Variants in CPNE4 observed in about 807,000 individuals in gnomAD.
CPNE4 encodes the protein copine-4.
Under a neutral mutation model 67.9 loss-of-function variants are expected in CPNE4, and 25 were observed. The ratio of observed to expected loss-of-function variants is 0.37; its 90% CI spans 0.27 to 0.51. CPNE4 has a LOEUF of 0.51. CPNE4 is among the 20% of genes least tolerant of loss of function. The pLI is 0.93. For synonymous variants in CPNE4, 242 were observed against 244.9 expected (o/e 0.99, Z 0.11); for missense variants, 464 against 690.8 (o/e 0.67, Z 3.68).
rs74414627 is a variant in CPNE4 at position 131,807,633 on chromosome 3, C to T, written c.181-84008G>A. On this transcript the variant is annotated intron_variant, in intron 2 of 15. Coordinates refer to ENST00000429747, the MANE Select transcript of CPNE4 (RefSeq NM_130808.3). ...AATCCCTGGGTCATAGGGGAATACA[C>T]TTTTAAAATATACAATTCAGTTAGG... is the stretch of plus-strand genomic sequence containing the variant. Among the ~76,000 whole-genome samples the T allele has an allele frequency of 7.3e-3, 1,108 of 152,196 alleles. 5 individuals carry two copies. Among genetic ancestry groups the T allele is most frequent in the Non-Finnish European group, 0.011 (767 of 67,996 alleles).
At chr3:131,875,745 T>C (rs1011277977) in intron 2 of CPNE4, among the ~76,000 whole-genome samples, 5 of 151,804 alleles carry the variant, frequency 3.3e-5, no homozygotes, top group Admixed American at 1.3e-4. Context: ...GACGAGTGAA[T>C]GGGTGCAGCA....
intron 2 of CPNE4, among the ~76,000 whole-genome samples, chr3:131,757,675 G>A (rs553191201): frequency 3.3e-5 from 5 of 152,266 alleles, no homozygotes; most frequent in African/African-American, 1.2e-4. Flanking sequence ...CAACACCCTG[G>A]GGAAAATGTC....
intron 1 of CPNE4, among the ~76,000 whole-genome samples, chr3:131,937,778 A>G (rs1267131673): frequency 1.3e-5 from 2 of 152,148 alleles, no homozygotes; most frequent in Admixed American, 6.6e-5. Flanking sequence ...CAGTCAAACC[A>G]TATCATTTAA....
chr3:131,865,909 C>G (rs533004069), intron 2 of CPNE4, among the ~76,000 whole-genome samples: 3 of 152,288 alleles, frequency 2.0e-5, no homozygotes, highest in African/African-American at 7.2e-5. Context: ...GCCACTGACA[C>G]TTCTATGGGG....
chr3:131,684,057 G>C (rs2080824054), intron 6 of CPNE4, among the ~76,000 whole-genome samples: 1 of 152,104 alleles, frequency 6.6e-6, no homozygotes, highest in African/African-American at 2.4e-5. Flanking sequence ...AACAATTCAA[G>C]ACTGTCTTTC....
At chr3:132,039,368 A>T (rs777688347), upstream of CPNE4, among the ~76,000 whole-genome samples, 4 of 152,236 alleles carry the variant, frequency 2.6e-5, no homozygotes, top group Non-Finnish European at 5.9e-5. Flanking sequence ...AGAAAGATAA[A>T]AGGAACCTGG....
chr3:131,936,461 G>A (rs2071225714), intron 1 of CPNE4, among the ~76,000 whole-genome samples: 2 of 152,042 alleles, frequency 1.3e-5, no homozygotes, highest in African/African-American at 2.4e-5. Context: ...ATAATAAGAT[G>A]AGTCTGTCTA....
chr3:131,907,825 T>A (rs1029939856), intron 1 of CPNE4, among the ~76,000 whole-genome samples: 1 of 152,094 alleles, frequency 6.6e-6, no homozygotes, highest in African/African-American at 2.4e-5. Flanking sequence ...TCAGTTCCCT[T>A]AGGTTAGGGA....
At chr3:131,924,169 G>A (rs889384447) in intron 1 of CPNE4, among the ~76,000 whole-genome samples, 7 of 152,184 alleles carry the variant, frequency 4.6e-5, no homozygotes, top group Non-Finnish European at 7.3e-5. Context: ...TATAGCTAAC[G>A]ATAGCCACAT....
intron 1 of CPNE4, chr3:131,925,528 C>T (rs937513990): frequency 5.5e-5 from 8 of 144,672 alleles, no homozygotes; most frequent in Non-Finnish European, 1.2e-4. Context: ...AATAAACTTA[C>T]CATTGTGCTC....
At chr3:131,727,103 G>A (rs1466655164) in intron 2 of CPNE4, among the ~76,000 whole-genome samples, 5 of 152,154 alleles carry the variant, frequency 3.3e-5, no homozygotes, top group Non-Finnish European at 7.3e-5. Context: ...TTACAAATGA[G>A]AAAACTCAAG....
intron 2 of CPNE4, among the ~76,000 whole-genome samples, chr3:131,766,243 A>G (rs2107823631): frequency 1.3e-5 from 2 of 152,248 alleles, no homozygotes; most frequent in Middle Eastern, 3.4e-3. Context: ...ATGAAATTAC[A>G]AATAATAATA....
At chr3:131,860,065 A>C (rs909640253) in intron 2 of CPNE4, among the ~76,000 whole-genome samples, 3 of 152,154 alleles carry the variant, frequency 2.0e-5, no homozygotes, top group Non-Finnish European at 4.4e-5. Context: ...TTATACATAC[A>C]TATGACAACC....
intron 7 of CPNE4, among the ~76,000 whole-genome samples, chr3:131,642,815 C>G (rs2079572053): frequency 6.6e-6 from 1 of 152,202 alleles, no homozygotes; most frequent in African/African-American, 2.4e-5. Context: ...GCCTCCCCAG[C>G]CCTGCAGAAC....
intron 10 of CPNE4, among the ~76,000 whole-genome samples, chr3:131,572,780 C>G (rs1463176745): frequency 1.3e-5 from 2 of 152,000 alleles, no homozygotes; most frequent in African/African-American, 4.8e-5. Flanking sequence ...CTGAAAGCCT[C>G]TGAGGTATAA....
chr3:131,958,744 C>T (rs1376708918), intron 1 of CPNE4, among the ~76,000 whole-genome samples: 2 of 150,104 alleles, frequency 1.3e-5, no homozygotes, highest in East Asian at 2.0e-4. Flanking sequence ...CGGCAACCTC[C>T]ACCTCTCAGG....
rs1354386161 is a variant in CPNE4, at chr3:131,614,706, A to T, written c.682-27124T>A. Among the ~76,000 whole-genome samples the T allele has an allele frequency of 3.9e-5, 6 of 152,334 alleles. No individual in the cohort carries two copies. In the East Asian group the frequency reaches 1.2e-3, roughly 29 times the overall value. On this transcript the variant is annotated intron_variant, in intron 7 of 15. Transcript: ENST00000429747. ...GTCAGGGGCAGCCTGCTGAAGCAGA[A>T]GGGAAGGACAGAGAATGGTGAAAAA...
chr3:131,893,597 A>G (rs2088204651), intron 2 of CPNE4, among the ~76,000 whole-genome samples: 2 of 151,980 alleles, frequency 1.3e-5, no homozygotes, highest in South Asian at 4.1e-4. Context: ...CCTTAAGCAT[A>G]TAAAGATCAC....
chr3:132,019,612 A>T (rs937306852), intron 1 of CPNE4, among the ~76,000 whole-genome samples: 9 of 151,802 alleles, frequency 5.9e-5, no homozygotes, highest in African/African-American at 1.5e-4. Flanking sequence ...GGCAACTGAT[A>T]AAAAAAAATT....
Sources: allele counts gnomAD v4.1 joint callset (sites outside exome capture counted in the v4.1 genomes callset), GRCh38; gene constraint gnomAD v4.1.1; transcripts MANE v1.5; gene names NCBI Gene and HGNC (gene_info 2026-07-23, HGNC 2026-07-21).